The following GJC1 variants were observed in gnomAD, a reference collection of about 807,000 sequenced individuals.
GJC1 encodes the protein gap junction protein gamma 1.
In GJC1, 5 loss-of-function variants were observed where a neutral mutation model predicts 29.3. The observed-to-expected ratio is 0.17, with a 90% CI of 0.09 to 0.36. GJC1 has a LOEUF of 0.36. Ranked by LOEUF, GJC1 falls within the 10% of genes least tolerant of loss-of-function variation. The pLI, the probability that GJC1 is intolerant of heterozygous loss-of-function variation, is 1.00. For synonymous variants in GJC1, 177 were observed against 183.3 expected, an observed-to-expected ratio of 0.97 and a Z score of 0.28; for missense variants, 310 against 496.2, an observed-to-expected ratio of 0.62 and a Z score of 3.56.
chr17:44,818,370 A>G (rs1009569849), intron 1 of GJC1, among the ~76,000 whole-genome samples: 1 of 152,190 alleles, frequency 6.6e-6, no homozygotes, highest in Non-Finnish European at 1.5e-5. Flanking sequence ...AATAAACGGT[A>G]TCTTTGACAA....
At position 44,819,008 on chromosome 17, in the gene GJC1, CT is replaced by C. The variant is rs112544585; in HGVS notation, c.-97+11053del. On this transcript the variant is annotated intron_variant, in intron 1 of 2. Coordinates refer to ENST00000592524, the MANE Select transcript of GJC1 (RefSeq NM_005497.4). ...TTCAAATCAAGCACTAAAAACCCCC[CT>C]CATTAACTTGTGTCCTGTTAAATTA... Among the ~76,000 whole-genome samples the C allele has an allele frequency of 1.8e-3, 267 of 152,122 alleles. 1 individual carries two copies. Among genetic ancestry groups the C allele is most frequent in the African/African-American group, 6.1e-3 (255 of 41,528 alleles).
At chr17:44,811,013 C>T (rs4793155) in intron 1 of GJC1, among the ~76,000 whole-genome samples, 14,584 of 152,192 alleles carry the variant, frequency 0.096, 797 homozygotes, top group East Asian at 0.14. Flanking sequence ...AAGTGATCTG[C>T]CCACCTCAGC....
At chr17:44,823,104 T>C (rs1010815277) in intron 1 of GJC1, among the ~76,000 whole-genome samples, 1 of 152,062 alleles carries the variant, frequency 6.6e-6, no homozygotes, top group Non-Finnish European at 1.5e-5. Flanking sequence ...TACAAACATG[T>C]GAATGAAAAT....
At chr17:44,821,723 AAACAAC>A (rs1201555540) in intron 1 of GJC1, among the ~76,000 whole-genome samples, 2 of 141,674 alleles carry the variant, frequency 1.4e-5, no homozygotes, top group African/African-American at 5.3e-5. Flanking sequence ...AAAAAAAAAA[AAACAAC>A]AAAAAAACAC....
chr17:44,797,067 A>G (rs1380579871), downstream of GJC1, among the ~76,000 whole-genome samples: 1 of 152,036 alleles, frequency 6.6e-6, no homozygotes, highest in Admixed American at 6.6e-5. Flanking sequence ...CCAGACTAGG[A>G]ATCTATATAT....
chr17:44,810,288 C>T (rs1381087682), intron 1 of GJC1, among the ~76,000 whole-genome samples: 1 of 152,166 alleles, frequency 6.6e-6, no homozygotes, highest in Non-Finnish European at 1.5e-5. Flanking sequence ...TGAGCCATCG[C>T]GCCCGGCCAA....
At chr17:44,823,742 T>C (rs1185248797) in intron 1 of GJC1, among the ~76,000 whole-genome samples, 2 of 151,422 alleles carry the variant, frequency 1.3e-5, no homozygotes, top group Non-Finnish European at 2.9e-5. Context: ...GATGGAGTCT[T>C]GTTCTGTCGC....
At chr17:44,825,542 AGAGGCT>A (rs2050163928) in intron 1 of GJC1, among the ~76,000 whole-genome samples, 1 of 152,112 alleles carries the variant, frequency 6.6e-6, no homozygotes, top group Non-Finnish European at 1.5e-5. Flanking sequence ...CAGCACTTTG[AGAGGCT>A]GAGGCAACCT....
chr17:44,815,880 G>A (rs953842198), intron 1 of GJC1, among the ~76,000 whole-genome samples: 7 of 151,934 alleles, frequency 4.6e-5, no homozygotes, highest in Non-Finnish European at 7.4e-5. Flanking sequence ...TTGGGAGGCC[G>A]AGGTGGGCGG....
At chr17:44,810,130 G>A (rs1383650390) in intron 1 of GJC1, among the ~76,000 whole-genome samples, 2 of 151,742 alleles carry the variant, frequency 1.3e-5, no homozygotes, top group South Asian at 2.1e-4. Flanking sequence ...CCAAAATCCT[G>A]GGATTACAAG....
chr17:44,812,798 C>T (rs538855680), intron 1 of GJC1, among the ~76,000 whole-genome samples: 70 of 151,910 alleles, frequency 4.6e-4, no homozygotes, highest in Non-Finnish European at 8.5e-4. Flanking sequence ...CAGGCCCGTG[C>T]CACCATGCCC....
chr17:44,826,687 T>C (rs1221218797), intron 1 of GJC1, among the ~76,000 whole-genome samples: 2 of 152,190 alleles, frequency 1.3e-5, no homozygotes, highest in African/African-American at 2.4e-5. Flanking sequence ...AATTCAAGAA[T>C]GTATAACTGT....
intron 1 of GJC1, among the ~76,000 whole-genome samples, chr17:44,822,643 C>CAAAAAA (rs11423012): frequency 1.6e-4 from 13 of 80,232 alleles, no homozygotes; most frequent in African/African-American, 4.5e-4. Context: ...AACTCCATCT[C>CAAAAAA]AAAAAAAAAA....
chr17:44,795,514 C>T (rs1251984168), downstream of GJC1, among the ~76,000 whole-genome samples: 6 of 152,204 alleles, frequency 3.9e-5, no homozygotes, highest in African/African-American at 9.6e-5. Flanking sequence ...ATTACTGGCG[C>T]GAGCCACCCC....
intron 1 of GJC1, among the ~76,000 whole-genome samples, chr17:44,824,900 A>C (rs1390017969): frequency 7.0e-6 from 1 of 142,864 alleles, no homozygotes; most frequent in Non-Finnish European, 1.5e-5. Flanking sequence ...TCAAGTGCTT[A>C]TATGTTTTGG....
intron 1 of GJC1, among the ~76,000 whole-genome samples, chr17:44,810,066 G>A (rs2049959102): frequency 6.7e-6 from 1 of 148,182 alleles, no homozygotes; most frequent in Non-Finnish European, 1.5e-5. Context: ...GTTTCACCAT[G>A]TTAGCCAAGA....
chr17:44,819,867 C>CT (rs1486419646), intron 1 of GJC1, among the ~76,000 whole-genome samples: 4 of 151,364 alleles, frequency 2.6e-5, no homozygotes, highest in South Asian at 2.1e-4. Flanking sequence ...TCATTCAATT[C>CT]TTTTTTTTGA....
In GJC1 at chr17:44,799,623, C is replaced by T. The variant is rs555668378; in HGVS notation, c.*5004G>A. On this transcript the variant is annotated 3_prime_UTR_variant, in exon 3 of 3. Transcript: ENST00000592524. ...CACATGAACCAAACCCACTTAATAT[C>T]ATTATTAAAAACAGGCTGGGCACAG... 3 of 151,946 alleles carry T rather than the reference C, an allele frequency of 2.0e-5. No homozygotes were observed. The highest frequency in any genetic ancestry group is 1.9e-4 in the East Asian group (1 of 5,166). 9.4% of individuals were successfully genotyped at this position (151,946 alleles called of 1,614,324 possible).
At position 44,806,486 on chromosome 17, in the gene GJC1, G is replaced by A. The variant is rs181349521; in HGVS notation, c.-20-649C>T. Among the ~76,000 whole-genome samples, 91 of 142,924 alleles carry A rather than the reference G, an allele frequency of 6.4e-4. 1 individual carries two copies. Among genetic ancestry groups the A allele is most frequent in the Admixed American group, 2.4e-3 (32 of 13,364 alleles). The allele number at this position is 142,924 out of a possible 152,430, so 93.8% of individuals were successfully genotyped here. A position where few individuals can be genotyped will look rare whatever the true frequency, so the allele number is the denominator to read the frequency against. On this transcript the variant is annotated intron_variant, in intron 2 of 2. Coordinates refer to ENST00000592524, the MANE Select transcript of GJC1 (RefSeq NM_005497.4). Reference sequence around the variant, plus strand: ...GTGATCTTGGCTCACTGCAACCTCCGCCTCCCAGGTTCAAGTGATTCTTGT... The same window carrying A: ...GTGATCTTGGCTCACTGCAACCTCCACCTCCCAGGTTCAAGTGATTCTTGT...
Sources: allele counts gnomAD v4.1 joint callset (sites outside exome capture counted in the v4.1 genomes callset), GRCh38; gene constraint gnomAD v4.1.1; transcripts MANE v1.5; gene names NCBI Gene and HGNC (gene_info 2026-07-23, HGNC 2026-07-21).